The following SLC4A5 variants were observed in gnomAD, a reference collection of about 807,000 sequenced individuals.
SLC4A5 encodes electrogenic sodium bicarbonate cotransporter 4.
A neutral mutation model predicts 120.4 loss-of-function variants in SLC4A5; 96 were observed. The ratio of observed to expected loss-of-function variants is 0.80; its 90% CI spans 0.68 to 0.94. The LOEUF (loss-of-function observed/expected upper bound fraction) is 0.94. Ranked by LOEUF, SLC4A5 falls within the 40% of genes least tolerant of loss-of-function variation. The pLI is 0.00. For missense variants in SLC4A5, 1,259 were observed against 1,459.5 expected (o/e 0.86, Z 2.24); for synonymous variants, 550 against 571.1 (o/e 0.96, Z 0.53).
chr2:74,232,527 G>T, exon 24 of SLC4A5: 1 of 1,614,068 alleles, frequency 6.2e-7, no homozygotes, highest in Non-Finnish European at 8.5e-7. Flanking sequence ...TCCATCTTGA[G>T]GCTGTCGATG....
At chr2:74,338,045 A>G (rs758105684) in intron 3 of SLC4A5, among the ~76,000 whole-genome samples, 5 of 152,200 alleles carry the variant, frequency 3.3e-5, no homozygotes, top group Non-Finnish European at 7.3e-5. Flanking sequence ...GGTAAGGTAA[A>G]GGGCAGGTGG....
chr2:74,315,160 C>A, intron 5 of SLC4A5, 135 bp from the exon 6 acceptor site: 2 of 755,500 alleles, frequency 2.6e-6, no homozygotes, highest in Non-Finnish European at 4.5e-6. Flanking sequence ...GGACATATAA[C>A]TGGGTGCAGT....
intron 8 of SLC4A5, among the ~76,000 whole-genome samples, chr2:74,271,797 A>G (rs948601957): frequency 1.3e-5 from 2 of 151,938 alleles, no homozygotes; most frequent in South Asian, 2.1e-4. Context: ...TTGTTTAAGT[A>G]TATTTAAAAA....
Position 74,233,232 on chromosome 2 carries a change from C to A in SLC4A5, c.2595+170G>T, listed in dbSNP as rs185717361. 7.2e-5 allele frequency among the ~76,000 whole-genome samples: 11 copies of A among 152,296 alleles called. No homozygotes were observed. The East Asian group carries it at 1.9e-3, about 27-fold the overall frequency. The stretch of plus-strand genomic sequence containing the variant: ...GTCACTCCAGCCCTGGTGGCCTTAC[C>A]CACATCTGGAGGTCACATTTCCCCC... On this transcript the variant is annotated intron_variant, in intron 23 of 30. Coordinates refer to ENST00000394019, the Ensembl canonical transcript of SLC4A5.
At chr2:74,288,725 A>G (rs985163173) in intron 7 of SLC4A5, among the ~76,000 whole-genome samples, 2 of 152,058 alleles carry the variant, frequency 1.3e-5, no homozygotes, top group Non-Finnish European at 2.9e-5. Flanking sequence ...CAGGCAATAC[A>G]CCCATGTGTA....
At chr2:74,262,963 C>G (rs1273068333) in intron 10 of SLC4A5, among the ~76,000 whole-genome samples, 2 of 152,206 alleles carry the variant, frequency 1.3e-5, no homozygotes, top group African/African-American at 2.4e-5. Flanking sequence ...GAAGAGCACT[C>G]AGAATAGTGC....
exon 16 of SLC4A5, chr2:74,252,237 C>T (rs201618554): frequency 2.5e-6 from 4 of 1,611,688 alleles, no homozygotes; most frequent in South Asian, 2.2e-5. Context: ...TCTCCATCAT[C>T]CCCGCTGCTT....
chr2:74,341,304 CAAAA>C (rs757430815), intron 2 of SLC4A5, among the ~76,000 whole-genome samples: 2 of 74,330 alleles, frequency 2.7e-5, no homozygotes. Flanking sequence ...GACTCCATCT[CAAAA>C]AAAAAAAAAA....
intron 15 of SLC4A5, 99 bp downstream of exon 15, chr2:74,252,875 A>G (rs1266380097): frequency 2.1e-6 from 3 of 1,409,134 alleles, no homozygotes; most frequent in Non-Finnish European, 3.0e-6. Flanking sequence ...GGCATGAGCC[A>G]CTATGCTGAG....
chr2:74,234,998 T>C, intron 22 of SLC4A5, 103 bp downstream of exon 22: 1 of 918,806 alleles, frequency 1.1e-6, no homozygotes. Flanking sequence ...TAAAATGGTC[T>C]CTTGGCCAAG....
chr2:74,280,923 G>A (rs1449368031), intron 8 of SLC4A5, among the ~76,000 whole-genome samples: 1 of 152,130 alleles, frequency 6.6e-6, no homozygotes, highest in Non-Finnish European at 1.5e-5. Context: ...CTGACCTCAG[G>A]TGATCCACCT....
At chr2:74,242,309 GA>G (rs1670474243) in intron 19 of SLC4A5, among the ~76,000 whole-genome samples, 1 of 152,200 alleles carries the variant, frequency 6.6e-6, no homozygotes, top group Non-Finnish European at 1.5e-5. Context: ...TTTAAAAACT[GA>G]AATAAGGAAT....
intron 21 of SLC4A5, among the ~76,000 whole-genome samples, chr2:74,236,412 C>T (rs1670270288): frequency 1.3e-5 from 2 of 152,112 alleles, no homozygotes; most frequent in South Asian, 4.1e-4. Flanking sequence ...TCTCATTCTC[C>T]ATCTTGCAAG....
intron 20 of SLC4A5, among the ~76,000 whole-genome samples, chr2:74,239,954 A>AC (rs1670384788): frequency 6.6e-6 from 1 of 150,396 alleles, no homozygotes; most frequent in Admixed American, 6.9e-5. Context: ...GCCATTCCCC[A>AC]CCTTGGTGTC....
chr2:74,341,667 A>G (rs971794509), intron 2 of SLC4A5, among the ~76,000 whole-genome samples: 70 of 152,342 alleles, frequency 4.6e-4, no homozygotes, highest in Non-Finnish European at 7.2e-4. Context: ...AGAGCAAGGG[A>G]TCATAAGTCC....
chr2:74,263,355 G>A (rs1314354998), intron 10 of SLC4A5, among the ~76,000 whole-genome samples: 1 of 152,152 alleles, frequency 6.6e-6, no homozygotes, highest in Non-Finnish European at 1.5e-5. Context: ...CAAAGTGCTG[G>A]GATTACAGGT....
intron 27 of SLC4A5, 99 bp from the exon 28 acceptor site, chr2:74,225,094 G>A: frequency 1.7e-6 from 2 of 1,170,846 alleles, no homozygotes; most frequent in Non-Finnish European, 1.2e-6. Flanking sequence ...TCAGTCGGCT[G>A]AGTTCAGGGA....
At chr2:74,247,052 A>G (rs1670634107) in exon 19 of SLC4A5, 1 of 1,614,004 alleles carries the variant, frequency 6.2e-7, no homozygotes, top group Non-Finnish European at 8.5e-7. Context: ...CAGGGGCGAC[A>G]CACTCGCACT....
intron 19 of SLC4A5, among the ~76,000 whole-genome samples, chr2:74,242,436 C>T (rs1245756148): frequency 6.6e-6 from 1 of 152,214 alleles, no homozygotes; most frequent in African/African-American, 2.4e-5. Flanking sequence ...TATGCCATGC[C>T]CTATGCCAAG....
Sources: gnomAD v4.1 joint callset for allele counts (sites outside exome capture counted in the v4.1 genomes callset) on GRCh38, gnomAD v4.1.1 for gene constraint, MANE v1.5 for transcripts, NCBI Gene and HGNC (gene_info 2026-07-23, HGNC 2026-07-21) for gene names.